The following ADAMTS20 variants were observed in gnomAD, a reference collection of about 807,000 sequenced individuals.
ADAMTS20 encodes A disintegrin and metalloproteinase with thrombospondin motifs 20.
A neutral mutation model predicts 260.1 loss-of-function variants in ADAMTS20; 225 were observed. The ratio of observed to expected loss-of-function variants is 0.87; its 90% CI spans 0.78 to 0.97. ADAMTS20 has a LOEUF of 0.97. Ranked by LOEUF, ADAMTS20 falls within the 50% of genes least tolerant of loss-of-function variation. The probability of loss-of-function intolerance (pLI) is 0.00; values close to 1 mark genes in which losing one functional copy is unlikely to be tolerated. For synonymous variants in ADAMTS20, 802 were observed against 769.5 expected (o/e 1.04, Z -0.70); for missense variants, 2,400 against 2,337.7 (o/e 1.03, Z -0.55).
intron 4 of ADAMTS20, among the ~76,000 whole-genome samples, chr12:43,501,271 G>T (rs751728299): frequency 1.9e-4 from 29 of 151,648 alleles, no homozygotes; most frequent in Non-Finnish European, 3.5e-4. Context: ...TGTTGGCTAG[G>T]CTGGTCTTGA....
chr12:43,368,693 A>G, intron 37 of ADAMTS20, among the ~76,000 whole-genome samples: 1 of 152,122 alleles, frequency 6.6e-6, no homozygotes, highest in Non-Finnish European at 1.5e-5. Flanking sequence ...TTCATCTATC[A>G]TAAAAATGTT....
chr12:43,452,306 T>C lies in ADAMTS20; in HGVS notation c.2047A>G (p.Thr683Ala). Reference sequence around the variant, plus strand: ...TGGCCTTGAACACAGATGTCATGAGTTTCAGTTCCACAAGGAGTACCATCT... The same window carrying C: ...TGGCCTTGAACACAGATGTCATGAGCTTCAGTTCCACAAGGAGTACCATCT... ...VEDGTPCGTE[T>A]HDICVQGQCM... The change falls in exon 14 of 39, where the codon ACT becomes GCT. Residue 683 changes from threonine (T) to alanine (A), a missense_variant. Physicochemically the swap from Thr to Ala is moderately conservative, Grantham distance 58. Coordinates refer to ENST00000389420, the MANE Select transcript of ADAMTS20 (RefSeq NM_025003.5). 5.6e-6 allele frequency: 9 copies of C among 1,612,784 alleles called. No individual in the cohort carries two copies. The highest frequency in any genetic ancestry group is 7.6e-6 in the Non-Finnish European group (9 of 1,179,356).
At position 43,427,443 on chromosome 12, in the gene ADAMTS20, A is replaced by G; in HGVS notation, c.3972T>C (p.Leu1324=). ...CCTGGCAGACCACAGCCCTATGCTG[A>G]AGACCTCCAGAACAACTGCTGGAGC... ...GSCSSSCSGG[L]QHRAVVCQDE... Residue 1324 remains leucine, a synonymous_variant, in exon 27 of 39, where the codon CTT becomes CTC. Coordinates refer to ENST00000389420, the MANE Select transcript of ADAMTS20 (RefSeq NM_025003.5). The G allele has an allele frequency of 1.9e-6, 3 of 1,612,636 alleles. No individual in the cohort carries two copies. The highest frequency in any genetic ancestry group is 2.5e-6 in the Non-Finnish European group (3 of 1,179,320).
Position 43,466,703 on chromosome 12 carries a change from C to A in ADAMTS20, c.1316G>T (p.Ser439Ile). The A allele has an allele frequency of 6.2e-7, 1 of 1,611,776 alleles. No individual in the cohort carries two copies. The highest frequency in any genetic ancestry group is 8.5e-7 in the Non-Finnish European group (1 of 1,178,540). Residue 439 changes from serine (S) to isoleucine (I), a missense_variant, in exon 9 of 39, where the codon AGT becomes ATT. By Grantham distance (142) the Ser-to-Ile change is moderately radical. Transcript: ENST00000389420. ...VMAPALSFHM[S>I]PWSWSNCSRK... ...ACTACAGTTTGACCAGCTCCAAGGA[C>A]TCATGTGAAAACTTAAAGCAGGGGC... is the stretch of plus-strand genomic sequence containing the variant.
chr12:43,501,598 A>G (rs1233265566), intron 4 of ADAMTS20, among the ~76,000 whole-genome samples: 3 of 152,094 alleles, frequency 2.0e-5, no homozygotes, highest in African/African-American at 7.2e-5. Flanking sequence ...CCACTGCTTG[A>G]CAAAGATAGT....
chr12:43,527,267 A>G (rs1449042414), intron 3 of ADAMTS20, among the ~76,000 whole-genome samples: 2 of 152,208 alleles, frequency 1.3e-5, no homozygotes, highest in Non-Finnish European at 2.9e-5. Context: ...ACGTCTATTC[A>G]CAGAAGAATT....
intron 28 of ADAMTS20, among the ~76,000 whole-genome samples, chr12:43,408,861 G>C (rs1940969035): frequency 1.3e-5 from 2 of 152,166 alleles, no homozygotes; most frequent in Non-Finnish European, 2.9e-5. Flanking sequence ...CAGTACATGG[G>C]ATTTGGTGTC....
chr12:43,376,423 G>T, intron 33 of ADAMTS20, 93 bp from the exon 34 acceptor site: 1 of 1,453,510 alleles, frequency 6.9e-7, no homozygotes, highest in South Asian at 1.3e-5. Context: ...CTGAATATCT[G>T]ACACTTTGTT....
chr12:43,376,410 A>T (rs1287412955), intron 33 of ADAMTS20, 80 bp from the exon 34 acceptor site: 8 of 1,443,100 alleles, frequency 5.5e-6, no homozygotes, highest in South Asian at 5.3e-5. Context: ...ATATTGCTAC[A>T]CTCTGAATAT....
chr12:43,463,133 A>AT (rs1428320492), intron 10 of ADAMTS20, 134 bp from the exon 11 acceptor site: 1 of 478,546 alleles, frequency 2.1e-6, no homozygotes, highest in African/African-American at 2.0e-5. Context: ...TAATCAGCAA[A>AT]TTTTTTTACT....
intron 4 of ADAMTS20, among the ~76,000 whole-genome samples, chr12:43,501,463 G>C (rs1217410851): frequency 2.4e-5 from 1 of 41,348 alleles, no homozygotes; most frequent in Non-Finnish European, 4.5e-5. Context: ...AGGGGGATAC[G>C]CGCGCGCGCG....
At position 43,451,343 on chromosome 12, in the gene ADAMTS20, A is replaced by G. The variant is rs1307541045; in HGVS notation, c.2079+931T>C. Among the ~76,000 whole-genome samples, 7 of 152,142 alleles carry G rather than the reference A, an allele frequency of 4.6e-5. No individual in the cohort carries two copies. The East Asian group carries it at 7.7e-4, about 17-fold the overall frequency. ...TGCAATGTTTGTGCTTTAACTCAGC[A>G]TCTCATCTGCTCTGACCTACAACCC... On this transcript the variant is annotated intron_variant, in intron 14 of 38. Transcript: ENST00000389420.
intron 28 of ADAMTS20, among the ~76,000 whole-genome samples, chr12:43,405,165 C>T (rs750984581): frequency 7.8e-6 from 1 of 128,726 alleles, no homozygotes; most frequent in Non-Finnish European, 1.5e-5. Context: ...AGGCTGAGGC[C>T]AGAGGATTGC....
chr12:43,354,090 G>A lies in ADAMTS20; in HGVS notation c.*119C>T. 1 of 689,310 alleles carries A rather than the reference G, an allele frequency of 1.5e-6. No homozygotes were observed. Among genetic ancestry groups the A allele is most frequent in the Non-Finnish European group, 2.3e-6 (1 of 433,444 alleles). The allele number at this position is 689,310 out of a possible 1,614,324, so 42.7% of individuals were successfully genotyped here. A position where few individuals can be genotyped will look rare whatever the true frequency, so the allele number is the denominator to read the frequency against. ...TCCCTGATGAGCACCCTGAAAAAAA[G>A]GCAGAGACATATTGGACATGGAAAT... is the stretch of plus-strand genomic sequence containing the variant. On this transcript the variant is annotated 3_prime_UTR_variant, in exon 39 of 39. Coordinates refer to ENST00000389420, the MANE Select transcript of ADAMTS20 (RefSeq NM_025003.5).
intron 12 of ADAMTS20, 113 bp downstream of exon 12, chr12:43,453,794 T>C: frequency 8.2e-7 from 1 of 1,226,866 alleles, no homozygotes; most frequent in East Asian, 2.6e-5. Context: ...AGAAATTTTC[T>C]GAATCTCAGA....
chr12:43,483,737 C>G (rs957785714), intron 7 of ADAMTS20, among the ~76,000 whole-genome samples: 18 of 152,102 alleles, frequency 1.2e-4, no homozygotes, highest in African/African-American at 4.3e-4. Flanking sequence ...TTGAAAAGTC[C>G]TCAGTGCAGC....
intron 28 of ADAMTS20, among the ~76,000 whole-genome samples, chr12:43,403,682 T>C (rs1940856922): frequency 6.6e-6 from 1 of 152,082 alleles, no homozygotes; most frequent in Admixed American, 6.6e-5. Context: ...AAGACATCTG[T>C]AATGCTATAG....
At chr12:43,501,476 C>CGT (rs1180877695) in intron 4 of ADAMTS20, among the ~76,000 whole-genome samples, 3 of 88,914 alleles carry the variant, frequency 3.4e-5, no homozygotes, top group South Asian at 6.2e-4. Flanking sequence ...CGCGCGCGCG[C>CGT]GCGCGCACAC....
At chr12:43,361,176 T>G (rs1939859491) in intron 37 of ADAMTS20, among the ~76,000 whole-genome samples, 1 of 152,222 alleles carries the variant, frequency 6.6e-6, no homozygotes, top group Admixed American at 6.5e-5. Flanking sequence ...CAGACTATCC[T>G]GTCACATGCA....
Sources: gnomAD v4.1 joint callset for allele counts (sites outside exome capture counted in the v4.1 genomes callset) on GRCh38, gnomAD v4.1.1 for gene constraint, MANE v1.5 for transcripts, NCBI Gene and HGNC (gene_info 2026-07-23, HGNC 2026-07-21) for gene names.